GAS7: variants seen among roughly 807,000 people sequenced by gnomAD.
GAS7 encodes growth arrest-specific protein 7.
GAS7 carries 28 observed loss-of-function variants against 71.1 expected under a neutral mutation model. The ratio of observed to expected loss-of-function variants is 0.39; its 90% confidence interval spans 0.29 to 0.54. GAS7 has a LOEUF of 0.54. Among genes scored for constraint, GAS7 ranks in the 20% least tolerant of loss-of-function variants. The probability of loss-of-function intolerance (pLI) is 0.62; values close to 1 mark genes in which losing one functional copy is unlikely to be tolerated. For missense variants in GAS7, 436 were observed against 627.8 expected, an observed-to-expected ratio of 0.69 and a Z score of 3.27; for synonymous variants, 258 against 245.8, an observed-to-expected ratio of 1.05 and a Z score of -0.46.
intron 1 of GAS7, among the ~76,000 whole-genome samples, chr17:10,099,349 G>T (rs868356931): frequency 6.6e-6 from 1 of 152,120 alleles, no homozygotes; most frequent in Non-Finnish European, 1.5e-5. Flanking sequence ...CACAGACGCC[G>T]AAAGAGGCAG....
chr17:10,073,982 G>C (rs985599348), intron 1 of GAS7, among the ~76,000 whole-genome samples: 1 of 152,100 alleles, frequency 6.6e-6, no homozygotes, highest in African/African-American at 2.4e-5. Context: ...ACATTTATTG[G>C]GCACCTACTA....
intron 9 of GAS7, among the ~76,000 whole-genome samples, chr17:9,927,758 G>A (rs2068062272): frequency 1.3e-5 from 2 of 152,286 alleles, no homozygotes; most frequent in South Asian, 4.1e-4. Flanking sequence ...TCTACTCCAT[G>A]GCAGGTGCTG....
chr17:9,958,192 C>G (rs575747027), intron 5 of GAS7, among the ~76,000 whole-genome samples: 45 of 152,202 alleles, frequency 3.0e-4, no homozygotes, highest in African/African-American at 9.6e-4. Context: ...TTAATATAAC[C>G]GACACTCTGG....
At position 10,103,937 on chromosome 17, in the gene GAS7, G is replaced by C. The variant is rs1022728427; in HGVS notation, c.184-84040C>G. 6.6e-6 allele frequency among the ~76,000 whole-genome samples: 1 copy of C among 151,572 alleles called. No homozygotes were observed. The highest frequency in any genetic ancestry group is 1.5e-5 in the Non-Finnish European group (1 of 67,978). On this transcript the variant is annotated intron_variant, in intron 1 of 13. Coordinates refer to ENST00000432992, the MANE Select transcript of GAS7 (RefSeq NM_201433.2). This position sits in a 1 kb window ranked among gnomAD's most constrained non-coding sequence, Gnocchi z 5.5. Reference sequence around the variant, plus strand: ...CCTACCCACATCAGAGCCCACGCTCGCAGCCTTCCCTCCCACAACAGTAAC... The same window carrying C: ...CCTACCCACATCAGAGCCCACGCTCCCAGCCTTCCCTCCCACAACAGTAAC...
intron 1 of GAS7, among the ~76,000 whole-genome samples, chr17:10,048,154 T>A (rs1176506310): frequency 6.6e-6 from 1 of 152,020 alleles, no homozygotes; most frequent in Non-Finnish European, 1.5e-5. Flanking sequence ...ATACAAAAAT[T>A]AGCCAGGCAT....
intron 3 of GAS7, among the ~76,000 whole-genome samples, chr17:9,970,874 A>G (rs932568680): frequency 6.6e-6 from 1 of 152,126 alleles, no homozygotes; most frequent in Non-Finnish European, 1.5e-5. Context: ...GACATCACGA[A>G]TTCACACTGG....
intron 1 of GAS7, among the ~76,000 whole-genome samples, chr17:10,091,902 CTCAAACTCCTGGGATCCAT>C (rs1567588006): frequency 2.0e-5 from 3 of 151,774 alleles, no homozygotes; most frequent in Non-Finnish European, 4.4e-5. Context: ...CCAGGCTGGT[CTCAAACTCCTGGGATCCAT>C]CCAGCCATCA....
intron 1 of GAS7, among the ~76,000 whole-genome samples, chr17:10,056,166 C>G (rs2073133655): frequency 6.6e-6 from 1 of 151,932 alleles, no homozygotes; most frequent in Admixed American, 6.6e-5. Flanking sequence ...TGAGACCAGT[C>G]TGGGCAACAT....
chr17:10,006,725 G>T (rs1339553274), intron 2 of GAS7, among the ~76,000 whole-genome samples: 2 of 151,982 alleles, frequency 1.3e-5, no homozygotes, highest in African/African-American at 4.8e-5. Flanking sequence ...AACAATTTTT[G>T]AGCTATTGAC....
chr17:10,089,825 T>A (rs983245314), intron 1 of GAS7, among the ~76,000 whole-genome samples: 1 of 152,156 alleles, frequency 6.6e-6, no homozygotes, highest in African/African-American at 2.4e-5. Context: ...ATTGTTGTAT[T>A]TAAAATTCTG....
chr17:10,045,314 C>A (rs577554287), intron 1 of GAS7, among the ~76,000 whole-genome samples: 4 of 152,286 alleles, frequency 2.6e-5, no homozygotes, highest in South Asian at 2.1e-4. Flanking sequence ...AGAGGGCTCC[C>A]GTGAGGTGAC....
At chr17:10,134,927 A>G (rs2074027083) in intron 1 of GAS7, among the ~76,000 whole-genome samples, 1 of 151,712 alleles carries the variant, frequency 6.6e-6, no homozygotes. Context: ...CCGGCTCCCA[A>G]GTTCAAGTGA....
intron 9 of GAS7, among the ~76,000 whole-genome samples, chr17:9,932,938 G>A (rs2068261794): frequency 6.6e-6 from 1 of 151,998 alleles, no homozygotes; most frequent in Non-Finnish European, 1.5e-5. Flanking sequence ...TTTGGGAGGC[G>A]GAGGAGGGTG....
intron 1 of GAS7, among the ~76,000 whole-genome samples, chr17:10,136,690 C>T (rs1254947019): frequency 6.6e-6 from 1 of 152,166 alleles, no homozygotes; most frequent in African/African-American, 2.4e-5. Flanking sequence ...GGGCAGCCAG[C>T]GTGATCCTGC....
In GAS7 at chr17:9,916,492, G is replaced by C. The variant is rs1597433419; in HGVS notation, c.*736C>G. 4.3e-6 allele frequency: 1 copy of C among 234,890 alleles called. No homozygotes were observed. Among genetic ancestry groups the C allele is most frequent in the East Asian group, 6.0e-5 (1 of 16,608 alleles). 14.6% of individuals were successfully genotyped at this position (234,890 alleles called of 1,614,324 possible). ...GGGCCTCCCCGAGGAAGCAGCTGGG[G>C]GAAGGATGGATTGGCATTTCCAGAG... On this transcript the variant is annotated 3_prime_UTR_variant, in exon 14 of 14. Coordinates refer to ENST00000432992, the MANE Select transcript of GAS7 (RefSeq NM_201433.2).
At chr17:10,167,539 C>T (rs1304585209) in intron 1 of GAS7, among the ~76,000 whole-genome samples, 4 of 152,210 alleles carry the variant, frequency 2.6e-5, no homozygotes, top group Admixed American at 6.5e-5. Flanking sequence ...ATATCCCCTT[C>T]GTAAGATTTC....
chr17:10,179,828 G>A (rs191583084), intron 1 of GAS7, among the ~76,000 whole-genome samples: 26 of 152,282 alleles, frequency 1.7e-4, no homozygotes, highest in Admixed American at 9.2e-4. Context: ...AGGTTGGGAA[G>A]GACGCTCCGA....
intron 1 of GAS7, among the ~76,000 whole-genome samples, chr17:10,037,626 A>G (rs1461414574): frequency 6.6e-6 from 1 of 151,962 alleles, no homozygotes; most frequent in Non-Finnish European, 1.5e-5. Context: ...TTGTTTTACT[A>G]CATACTAGCT....
intron 1 of GAS7, among the ~76,000 whole-genome samples, chr17:10,191,126 G>C (rs1439752546): frequency 6.6e-6 from 1 of 151,556 alleles, no homozygotes; most frequent in Admixed American, 6.6e-5. Flanking sequence ...AGTGAGCCGA[G>C]ATCACGCCAT....
Sources: allele counts gnomAD v4.1 joint callset (sites outside exome capture counted in the v4.1 genomes callset), GRCh38; gene constraint gnomAD v4.1.1; non-coding constraint Gnocchi (gnomAD v3.1); transcripts MANE v1.5; gene names NCBI Gene and HGNC (gene_info 2026-07-23, HGNC 2026-07-21).